Variants in CTNNA2 observed in about 807,000 individuals in gnomAD.
The protein encoded by CTNNA2 is catenin alpha-2.
In CTNNA2, 42 loss-of-function variants were observed where a neutral mutation model predicts 101.0. The ratio of observed to expected loss-of-function variants is 0.42; its 90% CI spans 0.32 to 0.54. CTNNA2 has a LOEUF of 0.54. CTNNA2 is among the 20% of genes least tolerant of loss of function. The pLI, the probability that CTNNA2 is intolerant of heterozygous loss-of-function variation, is 0.14. For synonymous variants in CTNNA2, 450 were observed against 456.4 expected, an observed-to-expected ratio of 0.99 and a Z score of 0.18; for missense variants, 871 against 1,223.1, an observed-to-expected ratio of 0.71 and a Z score of 4.29.
intron 2 of CTNNA2, among the ~76,000 whole-genome samples, chr2:79,311,656 T>C (rs1315495330): frequency 6.6e-6 from 1 of 152,066 alleles, no homozygotes; most frequent in African/African-American, 2.4e-5. Context: ...TGCTCAGTGA[T>C]CTCATACTAT....
intron 1 of CTNNA2, among the ~76,000 whole-genome samples, chr2:79,195,603 AGAATCAGAAGAAT>A (rs1413384620): frequency 6.6e-6 from 1 of 152,184 alleles, no homozygotes; most frequent in Admixed American, 6.5e-5. Context: ...TTGTACTCAC[AGAATCAGAAGAAT>A]GAAAATCAGA....
chr2:79,569,367 T>G (rs1272069386), intron 1 of CTNNA2, among the ~76,000 whole-genome samples: 3 of 152,078 alleles, frequency 2.0e-5, no homozygotes, highest in Non-Finnish European at 4.4e-5. Flanking sequence ...AGGGAAATGG[T>G]TCAGTAGCTG....
intron 9 of CTNNA2, among the ~76,000 whole-genome samples, chr2:80,500,914 T>C (rs1419199276): frequency 6.6e-6 from 1 of 151,750 alleles, no homozygotes; most frequent in African/African-American, 2.4e-5. Context: ...CTAACAAGGT[T>C]AGATGCAGTT....
intron 2 of CTNNA2, among the ~76,000 whole-genome samples, chr2:79,276,597 A>C (rs1675218829): frequency 6.6e-6 from 1 of 152,038 alleles, no homozygotes; most frequent in Admixed American, 6.6e-5. Flanking sequence ...TTTCATACTT[A>C]ACCTTTTGTT....
At chr2:79,193,965 T>A (rs1238765239) in intron 1 of CTNNA2, among the ~76,000 whole-genome samples, 4 of 152,198 alleles carry the variant, frequency 2.6e-5, no homozygotes, top group African/African-American at 9.7e-5. Flanking sequence ...ATTTTTATCA[T>A]TATGATAACT....
intron 2 of CTNNA2, among the ~76,000 whole-genome samples, chr2:79,204,257 G>A (rs980217800): frequency 9.2e-5 from 14 of 152,204 alleles, no homozygotes; most frequent in African/African-American, 3.1e-4. Context: ...GGAATGCCAC[G>A]CTGACCTGCC....
intron 1 of CTNNA2, among the ~76,000 whole-genome samples, chr2:79,615,036 G>C (rs1261298298): frequency 6.6e-6 from 1 of 152,078 alleles, no homozygotes; most frequent in Non-Finnish European, 1.5e-5. Flanking sequence ...GTTGACGAGA[G>C]AGCATATTTA....
intron 4 of CTNNA2, chr2:79,498,042 T>G (rs1369633020): frequency 6.6e-6 from 1 of 152,224 alleles, no homozygotes; most frequent in Non-Finnish European, 1.5e-5. Context: ...GGAAGACTGA[T>G]AAATAGTAAG....
At chr2:80,604,950 CT>C (rs1247531155) in intron 16 of CTNNA2, among the ~76,000 whole-genome samples, 7 of 151,892 alleles carry the variant, frequency 4.6e-5, no homozygotes, top group African/African-American at 1.5e-4. Flanking sequence ...AGAACTTCAC[CT>C]TTTCTTATTT....
At chr2:79,186,604 G>C (rs1048626364) in intron 1 of CTNNA2, among the ~76,000 whole-genome samples, 1 of 152,154 alleles carries the variant, frequency 6.6e-6, no homozygotes, top group Non-Finnish European at 1.5e-5. Context: ...TACAATGAAA[G>C]ACCTGTATCC....
intron 1 of CTNNA2, among the ~76,000 whole-genome samples, chr2:79,600,079 G>A (rs186409802): frequency 1.9e-3 from 292 of 152,210 alleles, no homozygotes; most frequent in African/African-American, 6.7e-3. Flanking sequence ...CGCTAATTAC[G>A]CATAAAATTT....
intron 1 of CTNNA2, among the ~76,000 whole-genome samples, chr2:79,648,610 T>G (rs1319169860): frequency 6.6e-6 from 1 of 152,106 alleles, no homozygotes; most frequent in Non-Finnish European, 1.5e-5. Context: ...GCAGGGGAGC[T>G]TCTTACCTTC....
intron 7 of CTNNA2, among the ~76,000 whole-genome samples, chr2:80,031,656 G>A (rs1695298291): frequency 2.6e-5 from 4 of 152,142 alleles, no homozygotes; most frequent in Admixed American, 2.6e-4. Context: ...TGACAGATAA[G>A]GAAAGAAGGG....
chr2:80,096,233 C>G (rs924449516), intron 7 of CTNNA2, among the ~76,000 whole-genome samples: 1 of 152,138 alleles, frequency 6.6e-6, no homozygotes, highest in Non-Finnish European at 1.5e-5. Context: ...CAAAGAACAT[C>G]TTTATTTCTG....
intron 7 of CTNNA2, among the ~76,000 whole-genome samples, chr2:80,254,189 G>A (rs1053950294): frequency 6.6e-5 from 10 of 152,132 alleles, no homozygotes; most frequent in African/African-American, 1.9e-4. Flanking sequence ...TATGTTAACA[G>A]CAATTCTTTA....
intron 7 of CTNNA2, among the ~76,000 whole-genome samples, chr2:79,919,737 T>C (rs1159944554): frequency 1.3e-5 from 2 of 152,184 alleles, no homozygotes; most frequent in East Asian, 3.9e-4. Context: ...GAACGCTGGA[T>C]CTCTCGTTCC....
chr2:79,451,113 T>C (rs1481933138), intron 4 of CTNNA2, among the ~76,000 whole-genome samples: 1 of 152,076 alleles, frequency 6.6e-6, no homozygotes, highest in Admixed American at 6.6e-5. Flanking sequence ...CCACAAACAA[T>C]GGTTCCAGCT....
At chr2:79,557,579 C>T (rs919114126) in intron 1 of CTNNA2, among the ~76,000 whole-genome samples, 1 of 151,888 alleles carries the variant, frequency 6.6e-6, no homozygotes, top group Non-Finnish European at 1.5e-5. Flanking sequence ...TACTTATTCT[C>T]TGTGTGGAAG....
At chr2:79,969,240 T>A (rs1330789270) in intron 7 of CTNNA2, among the ~76,000 whole-genome samples, 1 of 152,048 alleles carries the variant, frequency 6.6e-6, no homozygotes, top group African/African-American at 2.4e-5. Context: ...GAGCACACAT[T>A]TATTAGGTAG....
Sources: allele counts gnomAD v4.1 joint callset (sites outside exome capture counted in the v4.1 genomes callset), GRCh38; gene constraint gnomAD v4.1.1; transcripts MANE v1.5; gene names NCBI Gene and HGNC (gene_info 2026-07-23, HGNC 2026-07-21).